The following NOVA2 variants were observed in gnomAD, a reference collection of about 807,000 sequenced individuals.
NOVA2 encodes NOVA alternative splicing regulator 2.
In NOVA2, 9 loss-of-function variants were observed where a neutral mutation model predicts 22.5. The observed-to-expected ratio is 0.40, with a 90% confidence interval of 0.24 to 0.70. The LOEUF is 0.70. Among genes scored for constraint, NOVA2 ranks in the 30% least tolerant of loss-of-function variants. NOVA2 has a pLI of 0.38. For missense variants in NOVA2, 383 were observed against 682.8 expected (o/e 0.56, Z 4.89); for synonymous variants, 318 against 335.2 (o/e 0.95, Z 0.56).
At chr19:45,964,348 T>G (rs1266417537) in intron 1 of NOVA2, among the ~76,000 whole-genome samples, 4 of 119,508 alleles carry the variant, frequency 3.3e-5, no homozygotes, top group Admixed American at 8.5e-5. Flanking sequence ...CCCGGCTAAT[T>G]TGTGTGTGTG....
chr19:45,950,016 C>T (rs1259669279), intron 3 of NOVA2, among the ~76,000 whole-genome samples: 2 of 152,010 alleles, frequency 1.3e-5, no homozygotes, highest in African/African-American at 2.4e-5. Flanking sequence ...GCTGAGATTA[C>T]AGGCATGAGC....
intron 3 of NOVA2, among the ~76,000 whole-genome samples, chr19:45,944,898 A>C (rs1488320427): frequency 1.3e-5 from 2 of 152,196 alleles, no homozygotes; most frequent in Non-Finnish European, 2.9e-5. Flanking sequence ...CCTTTTACAG[A>C]AATGTCCAGA....
intron 2 of NOVA2, among the ~76,000 whole-genome samples, chr19:45,955,209 G>A (rs955754255): frequency 1.3e-4 from 20 of 152,166 alleles, no homozygotes; most frequent in Admixed American, 7.9e-4. Flanking sequence ...GTGTGTGTAC[G>A]TGTGTTTGTG....
intron 2 of NOVA2, among the ~76,000 whole-genome samples, chr19:45,955,309 A>G (rs932939468): frequency 3.9e-5 from 6 of 152,102 alleles, no homozygotes; most frequent in Admixed American, 1.3e-4. Flanking sequence ...GACAGGAAAG[A>G]CCCTATGACC....
At chr19:45,967,034 G>A (rs1431935916) in intron 1 of NOVA2, among the ~76,000 whole-genome samples, 1 of 152,102 alleles carries the variant, frequency 6.6e-6, no homozygotes, top group Non-Finnish European at 1.5e-5. Flanking sequence ...AAATCATCTT[G>A]TGGGTGGCTT....
intron 2 of NOVA2, among the ~76,000 whole-genome samples, chr19:45,959,557 T>C (rs1968063339): frequency 6.6e-6 from 1 of 151,798 alleles, no homozygotes; most frequent in Non-Finnish European, 1.5e-5. Context: ...CCATATCTTG[T>C]GGGCTACAGG....
intron 1 of NOVA2, among the ~76,000 whole-genome samples, chr19:45,972,551 C>T (rs1410226009): frequency 2.0e-5 from 3 of 152,240 alleles, no homozygotes; most frequent in African/African-American, 7.2e-5. Flanking sequence ...TCACACGTAC[C>T]CGCTGGAGGG....
chr19:45,961,120 GGGATCAGCACCTTCAGGAAGTATT>G lies in NOVA2; in HGVS notation c.95_118del (p.Glu32_Pro40delinsAla). Reference sequence around the variant, plus strand: ...AATGATGGAGCCCGCCGCGTAGCTGGGGATCAGCACCTTCAGGAAGTATTCGCCTTCCTCTGCGGGGGCACACAG... The same window carrying G: ...AATGATGGAGCCCGCCGCGTAGCTGGCGCCTTCCTCTGCGGGGGCACACAG... On this transcript the variant is annotated inframe_deletion, in exon 2 of 4. Transcript: ENST00000263257. 1 of 1,600,406 alleles carries G rather than the reference GGGATCAGCACCTTCAGGAAGTATT, an allele frequency of 6.2e-7. No homozygotes were observed. The highest frequency in any genetic ancestry group is 8.5e-7 in the Non-Finnish European group (1 of 1,173,736).
chr19:45,963,029 G>A (rs73053727), intron 1 of NOVA2, among the ~76,000 whole-genome samples: 1 of 150,866 alleles, frequency 6.6e-6, no homozygotes, highest in Non-Finnish European at 1.5e-5. Flanking sequence ...TCCCCTGCCC[G>A]TTGCCCCTAC....
chr19:45,957,401 T>C (rs1968020694), intron 2 of NOVA2, among the ~76,000 whole-genome samples: 3 of 151,870 alleles, frequency 2.0e-5, no homozygotes, highest in Admixed American at 1.3e-4. Context: ...TAGCTGGGCA[T>C]GGTAATGGAC....
chr19:45,959,906 A>C (rs1968070530), intron 2 of NOVA2, among the ~76,000 whole-genome samples: 1 of 152,140 alleles, frequency 6.6e-6, no homozygotes, highest in Non-Finnish European at 1.5e-5. Context: ...TTTGACCTAA[A>C]AAATCCAAGG....
At position 45,940,799 on chromosome 19, in the gene NOVA2, C is replaced by G. The variant is rs1039905132; in HGVS notation, c.543G>C (p.Thr181=). ...EGINLQERVV[T]VSGEPEQVHK... is the part of the protein sequence containing the mutation. The stretch of plus-strand genomic sequence containing the variant: ...GCACCTGCTCGGGCTCGCCGCTGAC[C>G]GTCACCACGCGCTCCTGCAGGTTGA... Residue 181 remains threonine, a synonymous_variant, in exon 4 of 4, where the codon ACG becomes ACC. Coordinates refer to ENST00000263257, the MANE Select transcript of NOVA2 (RefSeq NM_002516.4). 1.2e-6 allele frequency: 2 copies of G among 1,606,800 alleles called. No individual in the cohort carries two copies. Among genetic ancestry groups the G allele is most frequent in the South Asian group, 2.2e-5 (2 of 91,078 alleles).
intron 1 of NOVA2, among the ~76,000 whole-genome samples, chr19:45,965,652 C>T (rs1968158450): frequency 6.6e-6 from 1 of 152,050 alleles, no homozygotes; most frequent in Non-Finnish European, 1.5e-5. Flanking sequence ...GTCGTTTGAA[C>T]CCAGGAGGCA....
intron 2 of NOVA2, among the ~76,000 whole-genome samples, chr19:45,960,760 C>T (rs1968083567): frequency 6.6e-6 from 1 of 152,148 alleles, no homozygotes; most frequent in Admixed American, 6.5e-5. Flanking sequence ...GACACATCTG[C>T]CAGCGCATCA....
intron 1 of NOVA2, among the ~76,000 whole-genome samples, chr19:45,966,074 T>C (rs546129260): frequency 9.2e-5 from 14 of 152,154 alleles, no homozygotes; most frequent in Non-Finnish European, 1.6e-4. Context: ...GATCCTACTT[T>C]GTTAATCACC....
chr19:45,945,885 G>T (rs1967830337), intron 3 of NOVA2, among the ~76,000 whole-genome samples: 1 of 144,958 alleles, frequency 6.9e-6, no homozygotes, highest in Non-Finnish European at 1.5e-5. Flanking sequence ...CCCAGGCTAT[G>T]GTGCAGTGGC....
In NOVA2 at chr19:45,940,488, G is replaced by T; in HGVS notation, c.854C>A (p.Thr285Lys). Residue 285 changes from threonine (T) to lysine (K), a missense_variant, in exon 4 of 4, where the codon ACG becomes AAG. Transcript: ENST00000263257. ...DLLAISTALN[T>K]LASYGYNTNS... ...GGTGTTGTAGCCGTAACTTGCCAGC[G>T]TGTTAAGCGCCGTGCTGATGGCCAG... 6.5e-7 allele frequency: 1 copy of T among 1,531,426 alleles called. No homozygotes were observed. Among genetic ancestry groups the T allele is most frequent in the Admixed American group, 1.9e-5 (1 of 52,360 alleles). The allele number at this position is 1,531,426 out of a possible 1,614,324, so 94.9% of individuals were successfully genotyped here.
chr19:45,940,223 C>T lies in NOVA2; in HGVS notation c.1119G>A (p.Gly373=), dbSNP rs1967726469. The change falls in exon 4 of 4, where the codon GGG becomes GGA. Residue 373 remains glycine, a synonymous_variant. Transcript: ENST00000263257. ...CCAGCGGGCCGCCCCCTCCGCCCGCCCCGCCGCCCGCCCCGGCCCCGAGGT... is the reference window on the plus strand; with the variant it reads ...CCAGCGGGCCGCCCCCTCCGCCCGCTCCGCCGCCCGCCCCGGCCCCGAGGT... ...NGYLGAGAGG[G]AGGGGGPLVA... 2 of 1,104,810 alleles carry T rather than the reference C, an allele frequency of 1.8e-6. No homozygotes were observed. Among genetic ancestry groups the T allele is most frequent in the South Asian group, 4.3e-5 (1 of 23,522 alleles). 68.4% of individuals were successfully genotyped at this position (1,104,810 alleles called of 1,614,324 possible).
rs574548961 is a variant in NOVA2, at chr19:45,941,749, T to TA, written c.397-805dup. Among the ~76,000 whole-genome samples the TA allele has an allele frequency of 3.2e-3, 490 of 152,256 alleles. 4 individuals carry two copies. Among genetic ancestry groups the TA allele is most frequent in the African/African-American group, 0.011 (458 of 41,560 alleles). ...TTGCCTCTAACATTAAAATTTTTTT[T>TA]AAAAAAATTGAAATATATCCACAAT... On this transcript the variant is annotated intron_variant, in intron 3 of 3. Transcript: ENST00000263257.
Sources: gnomAD v4.1 joint callset for allele counts (sites outside exome capture counted in the v4.1 genomes callset) on GRCh38, gnomAD v4.1.1 for gene constraint, MANE v1.5 for transcripts, NCBI Gene and HGNC (gene_info 2026-07-23, HGNC 2026-07-21) for gene names.